CYP2B6: variants seen among roughly 807,000 people sequenced by gnomAD.
CYP2B6 encodes cytochrome P450 2B6.
CYP2B6 carries 35 observed loss-of-function variants against 43.4 expected under a neutral mutation model. The observed-to-expected ratio is 0.81, with a 90% CI of 0.62 to 1.07. The LOEUF is 1.07. Among genes scored for constraint, CYP2B6 ranks in the 50% least tolerant of loss-of-function variants. The pLI is 0.00. For synonymous variants in CYP2B6, 239 were observed against 239.2 expected (o/e 1.00, Z 0.01); for missense variants, 624 against 632.8 (o/e 0.99, Z 0.15).
intron 4 of CYP2B6, chr19:41,007,267 G>A: frequency 1.7e-6 from 1 of 591,200 alleles, no homozygotes; most frequent in Non-Finnish European, 3.0e-6. Context: ...GAGAGAATGA[G>A]GCGTGATGGG....
chr19:41,006,633 A>G (rs1465178872), intron 3 of CYP2B6, among the ~76,000 whole-genome samples: 2 of 151,966 alleles, frequency 1.3e-5, no homozygotes, highest in Non-Finnish European at 2.9e-5. Context: ...TGGCCTCAGT[A>G]ATGAGTAGCT....
At chr19:41,013,505 G>A (rs992131289) in intron 8 of CYP2B6, among the ~76,000 whole-genome samples, 1 of 152,182 alleles carries the variant, frequency 6.6e-6, no homozygotes, top group Non-Finnish European at 1.5e-5. Context: ...AAACAGCAAG[G>A]ACAAAGGCCA....
At chr19:41,016,434 A>AGC (rs1969366854) in intron 8 of CYP2B6, among the ~76,000 whole-genome samples, 4 of 48,758 alleles carry the variant, frequency 8.2e-5, no homozygotes, top group African/African-American at 1.4e-4. Context: ...AAAAAAAAAA[A>AGC]GAGAGAGAGA....
Position 41,016,727 on chromosome 19 carries a change from T to TGGCCAGCCC in CYP2B6, c.1377_1385dup (p.Ala460_Pro462dup), listed in dbSNP as rs1568564860. On this transcript the variant is annotated inframe_insertion, in exon 9 of 9. Coordinates refer to ENST00000324071, the MANE Select transcript of CYP2B6 (RefSeq NM_000767.5). ...ACCACCATCCTCCAGAACTTCTCCA[T>TGGCCAGCCC]GGCCAGCCCCGTGGCCCCAGAAGAC... 1 of 1,614,224 alleles carries TGGCCAGCCC rather than the reference T, an allele frequency of 6.2e-7. No individual in the cohort carries two copies. Among genetic ancestry groups the TGGCCAGCCC allele is most frequent in the Non-Finnish European group, 8.5e-7 (1 of 1,180,040 alleles).
intron 6 of CYP2B6, among the ~76,000 whole-genome samples, chr19:41,011,073 A>G (rs1183469169): frequency 6.6e-6 from 1 of 152,230 alleles, no homozygotes. Flanking sequence ...TGATCCTTTG[A>G]AACAGTGGTA....
At chr19:41,012,952 T>A (rs1969308526) in intron 8 of CYP2B6, 137 bp downstream of exon 8, 3 of 1,011,398 alleles carry the variant, frequency 3.0e-6, no homozygotes, top group African/African-American at 1.6e-5. Context: ...TCCCATTCCA[T>A]CTTCACTACA....
chr19:40,996,405 CTTTT>C (rs1969000041), intron 1 of CYP2B6, among the ~76,000 whole-genome samples: 1 of 152,090 alleles, frequency 6.6e-6, no homozygotes, highest in African/African-American at 2.4e-5. Flanking sequence ...TTCTAATAAC[CTTTT>C]ATCTACGGTT....
intron 1 of CYP2B6, among the ~76,000 whole-genome samples, chr19:40,999,977 T>A (rs977993429): frequency 2.0e-5 from 3 of 152,142 alleles, no homozygotes; most frequent in African/African-American, 7.2e-5. Context: ...AAGTTTTGCA[T>A]AGACATGTTT....
chr19:41,005,539 G>A (rs186704194), intron 3 of CYP2B6, among the ~76,000 whole-genome samples: 1 of 152,042 alleles, frequency 6.6e-6, no homozygotes, highest in Non-Finnish European at 1.5e-5. Flanking sequence ...CCAGCACTTT[G>A]GGAGGCTGAG....
chr19:41,015,079 A>G (rs1264646584), intron 8 of CYP2B6, among the ~76,000 whole-genome samples: 1 of 152,162 alleles, frequency 6.6e-6, no homozygotes, highest in Non-Finnish European at 1.5e-5. Flanking sequence ...AAGAAAGCCA[A>G]AAAAAGGAGA....
In CYP2B6 at chr19:41,016,627, T is replaced by C; in HGVS notation, c.1295-19T>C. ...TGCACCTGCCCTGTGCCCACACTGG[T>C]GACCTTCTGTGTCCACAGGGAAGCG... On this transcript the variant is annotated intron_variant, in intron 8 of 8. Transcript: ENST00000324071. 1 of 1,613,926 alleles carries C rather than the reference T, an allele frequency of 6.2e-7. No homozygotes were observed. The highest frequency in any genetic ancestry group is 1.1e-5 in the South Asian group (1 of 91,072).
intron 8 of CYP2B6, among the ~76,000 whole-genome samples, chr19:41,014,649 C>T (rs752851489): frequency 8.6e-5 from 13 of 151,952 alleles, no homozygotes; most frequent in Non-Finnish European, 1.6e-4. Context: ...GAAATAAGGA[C>T]AGAGACAGAT....
Position 41,004,089 on chromosome 19 carries a change from C to A in CYP2B6, c.260C>A (p.Ala87Asp). 4.3e-6 allele frequency: 7 copies of A among 1,613,614 alleles called. No individual in the cohort carries two copies. Among genetic ancestry groups the A allele is most frequent in the Non-Finnish European group, 5.9e-6 (7 of 1,179,938 alleles). The change falls in exon 2 of 9, where the codon GCC becomes GAC. Residue 87 changes from alanine to aspartate, a missense_variant. Transcript: ENST00000324071. ...TGTGGAGTAGAGGCCATACGGGAGG[C>A]CCTTGTGGACAAGGCTGAGGCCTTC... ...MLCGVEAIRE[A>D]LVDKAEAFSG...
rs765504158 is a variant in CYP2B6 at position 41,010,156 on chromosome 19, C to T, written c.964+21C>T. 5.6e-6 allele frequency: 9 copies of T among 1,611,894 alleles called. No individual in the cohort carries two copies. In the Admixed American group the frequency reaches 6.7e-5, roughly 12 times the overall value. ...TGCAGGTGGGCCAGGGACAGCCAGT[C>T]AAGGGGGTCTTCTGACCTCCTTCTG... On this transcript the variant is annotated intron_variant, in intron 6 of 8. Coordinates refer to ENST00000324071, the MANE Select transcript of CYP2B6 (RefSeq NM_000767.5).
chr19:41,009,908 C>T lies in CYP2B6; in HGVS notation c.823-86C>T, dbSNP rs112120974. ...ATAGTGTCAAAGACCTTTAGGCCAA[C>T]GGAGGGCAGCCAGGGAGATGGGCGT... On this transcript the variant is annotated intron_variant, in intron 5 of 8. Transcript: ENST00000324071. 9.6e-5 allele frequency: 150 copies of T among 1,565,618 alleles called. 1 individual carries two copies. The African/African-American group carries it at 1.1e-3, about 12-fold the overall frequency.
At chr19:41,012,522 G>A in intron 7 of CYP2B6, 37 bp downstream of exon 7, 1 of 1,613,234 alleles carries the variant, frequency 6.2e-7, no homozygotes, top group Non-Finnish European at 8.5e-7. Flanking sequence ...CTCCTGTTTG[G>A]GCATCCTGGA....
Position 41,016,664 on chromosome 19 carries a change from G to A in CYP2B6, c.1313G>A (p.Gly438Asp), listed in dbSNP as rs148856816. 3 of 1,614,174 alleles carry A rather than the reference G, an allele frequency of 1.9e-6. No homozygotes were observed. Among genetic ancestry groups the A allele is most frequent in the Non-Finnish European group, 2.5e-6 (3 of 1,179,998 alleles). ...TCCACAGGGAAGCGGATTTGTCTTG[G>A]TGAAGGCATCGCCCGTGCGGAATTG... The part of the protein sequence containing the change: ...PFSLGKRICL[G>D]EGIARAELFL... The change falls in exon 9 of 9, where the codon GGT (glycine) becomes GAT (aspartate). Residue 438 changes from glycine (G) to aspartate (D), a missense_variant. Transcript: ENST00000324071.
intron 8 of CYP2B6, among the ~76,000 whole-genome samples, chr19:41,015,188 G>T (rs1207817549): frequency 6.6e-6 from 1 of 152,002 alleles, no homozygotes; most frequent in Non-Finnish European, 1.5e-5. Context: ...AAGCCAAAAG[G>T]GTACTGCAGC....
intron 1 of CYP2B6, among the ~76,000 whole-genome samples, chr19:41,000,456 C>A (rs1300228744): frequency 1.3e-5 from 2 of 152,168 alleles, no homozygotes; most frequent in Non-Finnish European, 2.9e-5. Context: ...AACTGGCAGT[C>A]GGCCAGGGCC....
Sources: allele counts gnomAD v4.1 joint callset (sites outside exome capture counted in the v4.1 genomes callset), GRCh38; gene constraint gnomAD v4.1.1; transcripts MANE v1.5; gene names NCBI Gene and HGNC (gene_info 2026-07-23, HGNC 2026-07-21).